The following GRM1 variants were observed in gnomAD, a reference collection of about 807,000 sequenced individuals.
The protein encoded by GRM1 is metabotropic glutamate receptor 1.
GRM1 carries 33 observed loss-of-function variants against 90.9 expected under a neutral mutation model. The ratio of observed to expected loss-of-function variants is 0.36; its 90% CI spans 0.28 to 0.49. The LOEUF is 0.49. GRM1 is among the 20% of genes least tolerant of loss of function. The probability of loss-of-function intolerance (pLI) is 0.99; values close to 1 mark genes in which losing one functional copy is unlikely to be tolerated. For missense variants in GRM1, 1,190 were observed against 1,534.3 expected (o/e 0.78, Z 3.75); for synonymous variants, 700 against 613.2 (o/e 1.14, Z -2.09).
At chr6:146,407,720 CA>C (rs1777399696) in intron 7 of GRM1, among the ~76,000 whole-genome samples, 1 of 151,874 alleles carries the variant, frequency 6.6e-6, no homozygotes, top group Non-Finnish European at 1.5e-5. Flanking sequence ...TAAATGGGGC[CA>C]AAAATCATTG....
intron 7 of GRM1, among the ~76,000 whole-genome samples, chr6:146,431,282 C>T (rs1778395125): frequency 6.6e-6 from 1 of 152,106 alleles, no homozygotes; most frequent in Non-Finnish European, 1.5e-5. Context: ...AATGTCCCAT[C>T]TCAACAATAA....
intron 2 of GRM1, among the ~76,000 whole-genome samples, chr6:146,187,465 C>A (rs1778773723): frequency 6.6e-6 from 1 of 152,118 alleles, no homozygotes; most frequent in Non-Finnish European, 1.5e-5. Context: ...TGCTAATCCC[C>A]TTACTTGTAT....
chr6:146,090,981 A>G (rs1381016236), intron 1 of GRM1, among the ~76,000 whole-genome samples: 1 of 152,088 alleles, frequency 6.6e-6, no homozygotes, highest in Non-Finnish European at 1.5e-5. Flanking sequence ...TGGGGAAAAT[A>G]TCTGATACTT....
chr6:146,367,134 T>A (rs531080042), intron 5 of GRM1, among the ~76,000 whole-genome samples: 168 of 152,288 alleles, frequency 1.1e-3, no homozygotes, highest in Admixed American at 2.1e-3. Flanking sequence ...TATCCATATT[T>A]TCCTAGCACC....
intron 2 of GRM1, among the ~76,000 whole-genome samples, chr6:146,285,545 C>T (rs1412668133): frequency 6.6e-6 from 1 of 152,184 alleles, no homozygotes; most frequent in African/African-American, 2.4e-5. Context: ...CTCTTCCTTT[C>T]TTCTCAACCT....
intron 3 of GRM1, among the ~76,000 whole-genome samples, chr6:146,332,727 T>C (rs1784627151): frequency 6.6e-6 from 1 of 152,236 alleles, no homozygotes; most frequent in South Asian, 2.1e-4. Context: ...TGGACATCTG[T>C]AGGGGGCCAT....
chr6:146,434,251 C>A lies in GRM1; in HGVS notation c.3040C>A (p.Pro1014Thr), dbSNP rs761033890. The change falls in exon 8 of 8, where the codon CCC (proline) becomes ACC (threonine). Residue 1014 changes from proline (P) to threonine (T), a missense_variant. Physicochemically the swap from Pro to Thr is conservative, Grantham distance 38 (BLOSUM62 -1). This residue lies in a region of GRM1 where 400 missense variants were observed against 360.8 expected (regional missense o/e 1.11). Coordinates refer to ENST00000282753, the MANE Select transcript of GRM1 (RefSeq NM_001278064.2). ...LAEPALPKGL[P>T]PPLQQQQQPP... Reference sequence around the variant, plus strand: ...CGAACCAGCCCTCCCCAAGGGCTTGCCCCCTCCTCTCCAGCAGCAGCAGCA... The same window carrying A: ...CGAACCAGCCCTCCCCAAGGGCTTGACCCCTCCTCTCCAGCAGCAGCAGCA... 1 of 1,599,930 alleles carries A rather than the reference C, an allele frequency of 6.3e-7. No individual in the cohort carries two copies. The highest frequency in any genetic ancestry group is 1.1e-5 in the South Asian group (1 of 89,590).
At chr6:146,382,321 TTA>T (rs1491175795) in intron 5 of GRM1, among the ~76,000 whole-genome samples, 3 of 47,378 alleles carry the variant, frequency 6.3e-5, no homozygotes, top group Non-Finnish European at 1.4e-4. Context: ...AACCTAAGAT[TTA>T]AAAAAAAAAA....
At chr6:146,199,448 A>G (rs962603090) in intron 2 of GRM1, among the ~76,000 whole-genome samples, 1 of 152,194 alleles carries the variant, frequency 6.6e-6, no homozygotes, top group Non-Finnish European at 1.5e-5. Context: ...TCAGCCTTAA[A>G]TTATTACCCT....
intron 2 of GRM1, among the ~76,000 whole-genome samples, chr6:146,242,827 C>T (rs762194739): frequency 6.6e-6 from 1 of 152,098 alleles, no homozygotes; most frequent in African/African-American, 2.4e-5. Context: ...TTACAGCACA[C>T]CAGACATGAG....
chr6:146,206,954 C>T (rs1296040236), intron 2 of GRM1, among the ~76,000 whole-genome samples: 1 of 152,098 alleles, frequency 6.6e-6, no homozygotes, highest in Non-Finnish European at 1.5e-5. Flanking sequence ...GCCTCCAGCC[C>T]CATCCATGTT....
At chr6:146,312,730 A>G (rs1186512383) in intron 3 of GRM1, among the ~76,000 whole-genome samples, 1 of 152,228 alleles carries the variant, frequency 6.6e-6, no homozygotes. Flanking sequence ...TAGTATTTGG[A>G]TATAATTCAC....
At chr6:146,374,973 T>G (rs146810688) in intron 5 of GRM1, among the ~76,000 whole-genome samples, 1 of 152,022 alleles carries the variant, frequency 6.6e-6, no homozygotes, top group Non-Finnish European at 1.5e-5. Context: ...TCATTTAAAG[T>G]TTTTTTCTCT....
intron 1 of GRM1, among the ~76,000 whole-genome samples, chr6:146,081,631 G>T (rs1041497158): frequency 5.9e-5 from 9 of 152,138 alleles, no homozygotes; most frequent in Non-Finnish European, 1.2e-4. Context: ...TAAGTAAGTG[G>T]CAAAATGTCT....
intron 2 of GRM1, among the ~76,000 whole-genome samples, chr6:146,267,017 G>A (rs1194352358): frequency 6.6e-6 from 1 of 152,174 alleles, no homozygotes; most frequent in Admixed American, 6.5e-5. Context: ...ACATCCATTA[G>A]CTATTCTTCC....
At chr6:146,163,659 T>A (rs894200810) in intron 2 of GRM1, among the ~76,000 whole-genome samples, 1 of 152,182 alleles carries the variant, frequency 6.6e-6, no homozygotes, top group African/African-American at 2.4e-5. Context: ...TTTACCATGA[T>A]TGTTTTGTTT....
At chr6:146,299,747 A>T (rs985373354) in intron 2 of GRM1, among the ~76,000 whole-genome samples, 2 of 152,226 alleles carry the variant, frequency 1.3e-5, no homozygotes, top group East Asian at 3.9e-4. Flanking sequence ...TTGCCGTAGC[A>T]TCTCTTCTGC....
At chr6:146,237,916 G>A (rs1363459228) in intron 2 of GRM1, among the ~76,000 whole-genome samples, 1 of 152,180 alleles carries the variant, frequency 6.6e-6, no homozygotes, top group African/African-American at 2.4e-5. Context: ...GAACATAAAT[G>A]TTTGAAAAGT....
intron 1 of GRM1, among the ~76,000 whole-genome samples, chr6:146,141,023 T>C (rs1188118053): frequency 2.0e-5 from 3 of 152,208 alleles, no homozygotes; most frequent in East Asian, 3.8e-4. Context: ...TTCTCTCAGA[T>C]TGAAGAACTC....
Sources: gnomAD v4.1 joint callset for allele counts (sites outside exome capture counted in the v4.1 genomes callset) on GRCh38, gnomAD v4.1.1 for gene constraint, gnomAD v4.1.1 regional missense constraint, MANE v1.5 for transcripts, NCBI Gene and HGNC (gene_info 2026-07-23, HGNC 2026-07-21) for gene names.